VAV3: variants seen among roughly 807,000 people sequenced by gnomAD.
VAV3 encodes the protein vav guanine nucleotide exchange factor 3.
In VAV3, 94 loss-of-function variants were observed where a neutral mutation model predicts 131.2. The observed-to-expected ratio is 0.72, with a 90% CI of 0.61 to 0.85. VAV3 has a LOEUF of 0.85. VAV3 is among the 40% of genes least tolerant of loss of function. The probability of loss-of-function intolerance (pLI) is 0.00; values close to 1 mark genes in which losing one functional copy is unlikely to be tolerated. For missense variants in VAV3, 939 were observed against 1,002.7 expected (o/e 0.94, Z 0.86); for synonymous variants, 349 against 342.0 (o/e 1.02, Z -0.22).
intron 25 of VAV3, among the ~76,000 whole-genome samples, chr1:107,581,584 G>C (rs1372087002): frequency 6.6e-6 from 1 of 152,138 alleles, no homozygotes; most frequent in Non-Finnish European, 1.5e-5. Context: ...AATCATTAGT[G>C]GTTATTATTC....
intron 1 of VAV3, among the ~76,000 whole-genome samples, chr1:107,934,724 A>G (rs1448166039): frequency 6.6e-6 from 1 of 152,232 alleles, no homozygotes; most frequent in African/African-American, 2.4e-5. Context: ...AACCACTGAA[A>G]TTTTAATTAT....
chr1:107,741,424 T>C (rs556879185), intron 15 of VAV3, among the ~76,000 whole-genome samples: 1 of 152,274 alleles, frequency 6.6e-6, no homozygotes, highest in South Asian at 2.1e-4. Flanking sequence ...GGGGTGCTGG[T>C]CCTCTGCAGG....
At chr1:107,822,322 T>C (rs1206592150) in intron 2 of VAV3, among the ~76,000 whole-genome samples, 1 of 151,234 alleles carries the variant, frequency 6.6e-6, no homozygotes, top group Non-Finnish European at 1.5e-5. Context: ...AAGTGGGAAG[T>C]AAGGAACTGG....
intron 2 of VAV3, among the ~76,000 whole-genome samples, chr1:107,840,524 C>T (rs1248989734): frequency 6.6e-6 from 1 of 152,190 alleles, no homozygotes; most frequent in African/African-American, 2.4e-5. Context: ...TAACCATTGG[C>T]ACACATGCCA....
chr1:107,656,693 A>G (rs1656586380), intron 19 of VAV3, among the ~76,000 whole-genome samples: 1 of 152,186 alleles, frequency 6.6e-6, no homozygotes, highest in Non-Finnish European at 1.5e-5. Flanking sequence ...AGTGTATCAA[A>G]TTATTGCAGG....
intron 23 of VAV3, 36 bp from the exon 24 acceptor site, chr1:107,602,520 T>C (rs747481089): frequency 6.0e-6 from 9 of 1,488,712 alleles, no homozygotes; most frequent in Admixed American, 2.4e-5. Flanking sequence ...TATAAATGTG[T>C]TTTTAATCAG....
chr1:107,639,956 T>C (rs1161277985), intron 20 of VAV3, among the ~76,000 whole-genome samples: 1 of 148,820 alleles, frequency 6.7e-6, no homozygotes, highest in South Asian at 2.1e-4. Flanking sequence ...AAAAAAAGAA[T>C]GACCACACCA....
At chr1:107,865,896 G>A (rs1273381582) in intron 2 of VAV3, among the ~76,000 whole-genome samples, 1 of 152,170 alleles carries the variant, frequency 6.6e-6, no homozygotes, top group African/African-American at 2.4e-5. Flanking sequence ...CCAGAGATAA[G>A]CAATTTCCTG....
At chr1:107,934,867 G>A (rs746051000) in intron 1 of VAV3, among the ~76,000 whole-genome samples, 51 of 152,330 alleles carry the variant, frequency 3.3e-4, no homozygotes, top group African/African-American at 1.1e-3. Flanking sequence ...GCGGCACAGC[G>A]AGGCAAATGA....
At chr1:107,639,594 T>C (rs1655182262) in intron 20 of VAV3, among the ~76,000 whole-genome samples, 2 of 152,190 alleles carry the variant, frequency 1.3e-5, no homozygotes, top group South Asian at 2.1e-4. Flanking sequence ...TATTAATGAA[T>C]TAATGATTAA....
At chr1:107,759,751 G>T (rs1019614451) in intron 10 of VAV3, among the ~76,000 whole-genome samples, 1 of 152,068 alleles carries the variant, frequency 6.6e-6, no homozygotes, top group Non-Finnish European at 1.5e-5. Flanking sequence ...GTAAAACCCT[G>T]TAAGGACCAA....
chr1:107,585,368 T>A (rs529858571), intron 25 of VAV3, among the ~76,000 whole-genome samples: 78 of 152,304 alleles, frequency 5.1e-4, no homozygotes, highest in South Asian at 3.1e-3. Context: ...TGGTTTTTTT[T>A]ATTATAATAC....
chr1:107,781,437 A>G (rs1045894014), intron 2 of VAV3, among the ~76,000 whole-genome samples: 2 of 152,240 alleles, frequency 1.3e-5, no homozygotes, highest in Non-Finnish European at 2.9e-5. Flanking sequence ...GATGCAATAC[A>G]TATGTTAATT....
intron 25 of VAV3, among the ~76,000 whole-genome samples, chr1:107,595,426 G>T (rs55904472): frequency 0.36 from 54,104 of 151,522 alleles, 9,914 homozygotes; most frequent in Middle Eastern, 0.41. Flanking sequence ...ATATCCCAGT[G>T]TTGCTTAGGC....
At chr1:107,960,770 T>C (rs1292113694) in intron 1 of VAV3, among the ~76,000 whole-genome samples, 1 of 152,180 alleles carries the variant, frequency 6.6e-6, no homozygotes, top group Admixed American at 6.5e-5. Flanking sequence ...TTGACATTCC[T>C]GTGTTCCTTC....
rs184200120 is a variant in VAV3 at position 107,820,356 on chromosome 1, G to A, written c.322-40864C>T. Among the ~76,000 whole-genome samples, 7 of 152,286 alleles carry A rather than the reference G, an allele frequency of 4.6e-5. 1 individual carries two copies. In the East Asian group the frequency reaches 1.3e-3, roughly 29 times the overall value. ...ACATTATGCTAAGTGAAATGAGCCA[G>A]GCACAGAAAGACAAACTTCACATGT... On this transcript the variant is annotated intron_variant, in intron 2 of 26. Coordinates refer to ENST00000370056, the MANE Select transcript of VAV3 (RefSeq NM_006113.5).
chr1:107,669,948 T>C (rs951754195), intron 19 of VAV3, among the ~76,000 whole-genome samples: 1 of 152,208 alleles, frequency 6.6e-6, no homozygotes, highest in African/African-American at 2.4e-5. Context: ...AAAATAAAGA[T>C]GATTTCACAA....
At chr1:107,689,363 T>C (rs909591921) in intron 17 of VAV3, among the ~76,000 whole-genome samples, 5 of 152,114 alleles carry the variant, frequency 3.3e-5, no homozygotes, top group African/African-American at 9.7e-5. Flanking sequence ...AGGATGTTTC[T>C]TTAAGAGATT....
chr1:107,602,534 A>C, intron 23 of VAV3, 50 bp from the exon 24 acceptor site: 2 of 1,410,268 alleles, frequency 1.4e-6, no homozygotes, highest in Non-Finnish European at 1.9e-6. Flanking sequence ...TAATCAGTAG[A>C]AATCAATAAT....
Sources: gnomAD v4.1 joint callset for allele counts (sites outside exome capture counted in the v4.1 genomes callset) on GRCh38, gnomAD v4.1.1 for gene constraint, MANE v1.5 for transcripts, NCBI Gene and HGNC (gene_info 2026-07-23, HGNC 2026-07-21) for gene names.